The following CROT variants were observed in gnomAD, a reference collection of about 807,000 sequenced individuals.
The protein encoded by CROT is carnitine O-octanoyltransferase.
Under a neutral mutation model 89.2 loss-of-function variants are expected in CROT, and 84 were observed. The observed-to-expected ratio is 0.94, with a 90% CI of 0.79 to 1.13. CROT has a LOEUF of 1.13. Ranked by LOEUF, CROT falls within the 50% of genes most tolerant of loss-of-function variation. The pLI, the probability that CROT is intolerant of heterozygous loss-of-function variation, is 0.00. For synonymous variants in CROT, 212 were observed against 239.5 expected (o/e 0.89, Z 1.06); for missense variants, 711 against 727.8 (o/e 0.98, Z 0.27).
chr7:87,357,105 G>A lies in CROT; in HGVS notation c.116-2101G>A, dbSNP rs6963747. Among the ~76,000 whole-genome samples, 1,119 of 152,282 alleles carry A rather than the reference G, an allele frequency of 7.3e-3. 13 individuals are homozygous for A. Among genetic ancestry groups the A allele is most frequent in the African/African-American group, 0.025 (1,050 of 41,554 alleles). On this transcript the variant is annotated intron_variant, in intron 3 of 17. Coordinates refer to ENST00000331536, the MANE Select transcript of CROT (RefSeq NM_021151.4). ...GACATGACAAAGCAAACGAAAAGGT[G>A]ACAGTCAGAAGGCAAGTGTGGAAAG...
At chr7:87,392,011 C>T (rs1055947239) in intron 14 of CROT, among the ~76,000 whole-genome samples, 5 of 152,140 alleles carry the variant, frequency 3.3e-5, no homozygotes, top group Non-Finnish European at 5.9e-5. Context: ...GTGCAGAAAT[C>T]CCAAGGTGCC....
chr7:87,355,820 A>T (rs1448925805), intron 3 of CROT, among the ~76,000 whole-genome samples: 1 of 152,212 alleles, frequency 6.6e-6, no homozygotes, highest in Non-Finnish European at 1.5e-5. Context: ...AAGGCTGAGT[A>T]TATTGCAAAG....
At chr7:87,381,175 A>G (rs1368066063) in intron 10 of CROT, among the ~76,000 whole-genome samples, 2 of 152,178 alleles carry the variant, frequency 1.3e-5, no homozygotes, top group African/African-American at 2.4e-5. Flanking sequence ...CAGATCATGA[A>G]TGATATCTGT....
chr7:87,359,354 A>AT lies in CROT; in HGVS notation c.240+25dup, dbSNP rs11384079. ...GGGTATTTGTTGTTATAATTGAATA[A>AT]TGATGATGTTTAAAGAATGATAAAT... On this transcript the variant is annotated intron_variant, in intron 4 of 17. Transcript: ENST00000331536. 2.7e-3 allele frequency: 4,207 copies of AT among 1,572,974 alleles called. 90 individuals are homozygous for AT. The African/African-American group carries it at 0.05, about 19-fold the overall frequency.
chr7:87,375,285 A>G (rs78836681), intron 7 of CROT: 2,989 of 190,384 alleles, frequency 0.016, 104 homozygotes, highest in African/African-American at 0.066. Flanking sequence ...GATTACCAGG[A>G]TATTTTTCAA....
rs1417550557 is a variant in CROT, at chr7:87,359,338, T to C, written c.240+8T>C. 1.9e-6 allele frequency: 3 copies of C among 1,588,948 alleles called. No individual in the cohort carries two copies. The highest frequency in any genetic ancestry group is 2.6e-6 in the Non-Finnish European group (3 of 1,164,666). ...AAAGGAAAAAGAAATTGGGTATTTG[T>C]TGTTATAATTGAATAATGATGATGT... is the stretch of plus-strand genomic sequence containing the variant. On this transcript the variant is annotated splice_region_variant and intron_variant, in intron 4 of 17. Transcript: ENST00000331536.
intron 9 of CROT, among the ~76,000 whole-genome samples, chr7:87,376,220 C>A (rs1046348788): frequency 3.3e-5 from 5 of 152,050 alleles, no homozygotes; most frequent in African/African-American, 1.2e-4. Flanking sequence ...TGTTGCTCAA[C>A]CTTTTCATTG....
chr7:87,364,836 T>C (rs1806388903), intron 6 of CROT, among the ~76,000 whole-genome samples: 1 of 152,034 alleles, frequency 6.6e-6, no homozygotes, highest in South Asian at 2.1e-4. Flanking sequence ...AGCAAACAGA[T>C]TGGCCAGTTT....
At chr7:87,394,321 G>A (rs188383259) in intron 17 of CROT, among the ~76,000 whole-genome samples, 9 of 152,216 alleles carry the variant, frequency 5.9e-5, no homozygotes, top group African/African-American at 1.2e-4. Context: ...GTGATCTTTC[G>A]TGGTTTATTC....
In CROT at chr7:87,393,004, A is replaced by T; in HGVS notation, c.1655A>T (p.Gln552Leu). The change falls in exon 17 of 18, where the codon CAG (glutamine) becomes CTG (leucine). Residue 552 changes from glutamine (Q) to leucine (L), a missense_variant. Transcript: ENST00000331536. ...AGTCTGGTTGGCTATTTACGAGTCC[A>T]GGGAGTGGTAGTTCCCATGGTACAC... ...STSLVGYLRV[Q>L]GVVVPMVHNG... 3 of 1,613,664 alleles carry T rather than the reference A, an allele frequency of 1.9e-6. No individual in the cohort carries two copies. Among genetic ancestry groups the T allele is most frequent in the Non-Finnish European group, 2.5e-6 (3 of 1,179,666 alleles).
intron 3 of CROT, among the ~76,000 whole-genome samples, chr7:87,353,630 A>G (rs903183089): frequency 1.3e-5 from 2 of 152,204 alleles, no homozygotes; most frequent in Non-Finnish European, 2.9e-5. Context: ...CGGCTTCTGG[A>G]AAGTCCTCAG....
chr7:87,394,553 T>C (rs1037407852), intron 17 of CROT, among the ~76,000 whole-genome samples: 6 of 31,454 alleles, frequency 1.9e-4, no homozygotes, highest in African/African-American at 9.3e-4. Flanking sequence ...ATAAGTACTA[T>C]TTAAAAAAAA....
chr7:87,366,233 C>T (rs1029067004), intron 6 of CROT, among the ~76,000 whole-genome samples: 1 of 150,426 alleles, frequency 6.6e-6, no homozygotes, highest in Non-Finnish European at 1.5e-5. Context: ...TGTACCCTCG[C>T]AAGGGGGAAT....
At chr7:87,358,344 T>C (rs893740375) in intron 3 of CROT, among the ~76,000 whole-genome samples, 1 of 145,110 alleles carries the variant, frequency 6.9e-6, no homozygotes, top group Non-Finnish European at 1.5e-5. Context: ...GAGCCAGGAG[T>C]GGTGGCGGGC....
intron 3 of CROT, chr7:87,357,508 C>T: frequency 6.4e-7 from 1 of 1,550,556 alleles, no homozygotes. Context: ...CCTTTGTAGT[C>T]ACCAGAACAT....
chr7:87,371,329 A>G (rs1806623842), intron 7 of CROT, among the ~76,000 whole-genome samples: 1 of 152,230 alleles, frequency 6.6e-6, no homozygotes, highest in Admixed American at 6.5e-5. Context: ...TTAATCAACA[A>G]TAAATGTAAT....
At position 87,369,025 on chromosome 7, in the gene CROT, A is replaced by C. The variant is rs529348894; in HGVS notation, c.548-351A>C. Among the ~76,000 whole-genome samples, 3 of 152,332 alleles carry C rather than the reference A, an allele frequency of 2.0e-5. No individual in the cohort carries two copies. In the East Asian group the frequency reaches 5.8e-4, roughly 29 times the overall value. ...AAATAATCCAAAAGAGAAACCTGTT[A>C]ATTCAAATGGCTGTCCTCCAAGATT... On this transcript the variant is annotated intron_variant, in intron 6 of 17. Coordinates refer to ENST00000331536, the MANE Select transcript of CROT (RefSeq NM_021151.4).
chr7:87,368,955 C>T (rs927963420), intron 6 of CROT, among the ~76,000 whole-genome samples: 2 of 152,172 alleles, frequency 1.3e-5, no homozygotes, highest in Non-Finnish European at 2.9e-5. Context: ...GTTATCATAG[C>T]TAGATATTAC....
At chr7:87,363,936 G>C (rs1053946603) in intron 6 of CROT, among the ~76,000 whole-genome samples, 12 of 152,166 alleles carry the variant, frequency 7.9e-5, no homozygotes, top group Non-Finnish European at 7.3e-5. Context: ...TTGGTTGTAA[G>C]ATATAAGAGA....
Sources: allele counts gnomAD v4.1 joint callset (sites outside exome capture counted in the v4.1 genomes callset), GRCh38; gene constraint gnomAD v4.1.1; transcripts MANE v1.5; gene names NCBI Gene and HGNC (gene_info 2026-07-23, HGNC 2026-07-21).